KHNYN: variants seen among roughly 807,000 people sequenced by gnomAD.
The protein encoded by KHNYN is KH and NYN domain containing, also known as protein KHNYN.
In KHNYN, 42 loss-of-function variants were observed where a neutral mutation model predicts 62.7. The observed-to-expected ratio is 0.67, with a 90% confidence interval of 0.52 to 0.87. The LOEUF is 0.87. Ranked by LOEUF, KHNYN falls within the 40% of genes least tolerant of loss-of-function variation. The pLI, the probability that KHNYN is intolerant of heterozygous loss-of-function variation, is 0.00. For missense variants in KHNYN, 829 were observed against 874.1 expected, an observed-to-expected ratio of 0.95 and a Z score of 0.65; for synonymous variants, 347 against 345.6, an observed-to-expected ratio of 1.00 and a Z score of -0.04.
At chr14:24,435,919 A>G in intron 5 of KHNYN, 153 bp from the exon 6 acceptor site, 1 of 634,622 alleles carries the variant, frequency 1.6e-6, no homozygotes, top group Non-Finnish European at 2.8e-6. Flanking sequence ...TTATTTTTGT[A>G]GATTTGGGGG....
rs758744608 is a variant in KHNYN, at chr14:24,440,580, C to G, written c.*3295C>G. ...CCTGGTTTCTGTTTCCCCTTCCTCA[C>G]TCTCCCCATGCTGACTTGGCTCTGT... On this transcript the variant is annotated 3_prime_UTR_variant, in exon 8 of 8. Coordinates refer to ENST00000553935, the MANE Select transcript of KHNYN (RefSeq NM_015299.3). 1.4e-5 allele frequency: 21 copies of G among 1,474,192 alleles called. No individual in the cohort carries two copies. Among genetic ancestry groups the G allele is most frequent in the Non-Finnish European group, 1.9e-5 (21 of 1,080,806 alleles). 91.3% of individuals were successfully genotyped at this position (1,474,192 alleles called of 1,614,324 possible).
chr14:24,429,958 T>G lies in KHNYN; in HGVS notation c.-179T>G. On this transcript the variant is annotated 5_prime_UTR_variant, in exon 1 of 8. Transcript: ENST00000553935. ...CCAGGAAGTGACTCAAGAAACAGTTTGCGTGCGATGTGGACAAGAGAGGTC... is the reference window on the plus strand; with the variant it reads ...CCAGGAAGTGACTCAAGAAACAGTTGGCGTGCGATGTGGACAAGAGAGGTC... 1 of 993,710 alleles carries G rather than the reference T, an allele frequency of 1.0e-6. No individual in the cohort carries two copies. Among genetic ancestry groups the G allele is most frequent in the South Asian group, 4.3e-5 (1 of 23,316 alleles). 61.6% of individuals were successfully genotyped at this position (993,710 alleles called of 1,614,324 possible).
At position 24,432,271 on chromosome 14, in the gene KHNYN, A is replaced by T; in HGVS notation, c.1010A>T (p.Gln337Leu). 1.2e-6 allele frequency: 2 copies of T among 1,613,478 alleles called. No individual in the cohort carries two copies. Among genetic ancestry groups the T allele is most frequent in the Non-Finnish European group, 1.7e-6 (2 of 1,179,668 alleles). The change falls in exon 3 of 8, where the codon CAG becomes CTG. Residue 337 changes from glutamine to leucine, a missense_variant. This residue lies in a region of KHNYN where 559 missense variants were observed against 527.0 expected (regional missense o/e 1.06). Transcript: ENST00000553935. This position sits in a 1 kb window ranked among gnomAD's most constrained non-coding sequence, Gnocchi z 5.6. ...GAHGSCHRAA[Q>L]SRGASLLQRL... ...CATGGCTCCTGTCACAGGGCAGCTC[A>T]GTCCCGAGGAGCCTCCCTCCTCCAG...
intron 5 of KHNYN, chr14:24,434,086 CTATTTATA>C (rs1399589215): frequency 2.1e-6 from 2 of 950,582 alleles, no homozygotes; most frequent in Non-Finnish European, 2.5e-6. Context: ...CAATGTTATT[CTATTTATA>C]TCTAGATGTC....
chr14:24,440,026 C>T lies in KHNYN; in HGVS notation c.*2741C>T. ...TCTCTAGAGGAGCTGAGCCTATTCACAGTGCCTAACCTGGAAGCCTGTGAG... is the reference window on the plus strand; with the variant it reads ...TCTCTAGAGGAGCTGAGCCTATTCATAGTGCCTAACCTGGAAGCCTGTGAG... On this transcript the variant is annotated 3_prime_UTR_variant, in exon 8 of 8. Transcript: ENST00000553935. 6.2e-6 allele frequency: 9 copies of T among 1,453,970 alleles called. No homozygotes were observed. The highest frequency in any genetic ancestry group is 2.7e-5 in the South Asian group (2 of 72,742). The allele number at this position is 1,453,970 out of a possible 1,614,324, so 90.1% of individuals were successfully genotyped here.
Position 24,431,929 on chromosome 14 carries a change from G to C in KHNYN, c.668G>C (p.Gly223Ala). The change falls in exon 3 of 8, where the codon GGA (glycine) becomes GCA (alanine). Residue 223 changes from glycine to alanine, a missense_variant. Gly to Ala is a moderately conservative substitution (Grantham distance 60). Around this residue, in one of 2 missense-constraint regions of KHNYN, gnomAD observed 559 missense variants for 527.0 expected, o/e 1.06. Transcript: ENST00000553935. ...GCCTTGCTGGGTGCTCAGTGCCAAG[G>C]AGTGAGAGCTCCCCCTAGTGACGGC... Reference protein sequence around the residue: ...SSALLGAQCQGVRAPPSDGRE... With the variant: ...SSALLGAQCQAVRAPPSDGRE... 2 of 1,613,912 alleles carry C rather than the reference G, an allele frequency of 1.2e-6. No individual in the cohort carries two copies. Among genetic ancestry groups the C allele is most frequent in the Non-Finnish European group, 1.7e-6 (2 of 1,179,884 alleles).
intron 1 of KHNYN, chr14:24,430,388 C>T: frequency 1.9e-6 from 2 of 1,057,788 alleles, no homozygotes; most frequent in Non-Finnish European, 2.3e-6. Context: ...CCTTAAGAAG[C>T]TTCAGAGTGC....
In KHNYN at chr14:24,431,904, G is replaced by T. The variant is rs776850124; in HGVS notation, c.643G>T (p.Ala215Ser). 10 of 1,614,078 alleles carry T rather than the reference G, an allele frequency of 6.2e-6. No individual in the cohort carries two copies. The East Asian group carries it at 2.2e-4, about 36-fold the overall frequency. The change falls in exon 3 of 8, where the codon GCC (alanine) becomes TCC (serine). Residue 215 changes from alanine (A) to serine (S), a missense_variant. Coordinates refer to ENST00000553935, the MANE Select transcript of KHNYN (RefSeq NM_015299.3). ...ALASWEGRSS[A>S]LLGAQCQGVR... The stretch of plus-strand genomic sequence containing the variant: ...GGCTTCTTGGGAGGGGCGGAGCTCA[G>T]CCTTGCTGGGTGCTCAGTGCCAAGG...
rs761648380 is a variant in KHNYN at position 24,437,161 on chromosome 14, T to C, written c.1913T>C (p.Leu638Pro). Residue 638 changes from leucine to proline, a missense_variant, in exon 8 of 8, where the codon CTC (leucine) becomes CCC (proline). Around this residue, in one of 2 missense-constraint regions of KHNYN, gnomAD observed 270 missense variants for 347.1 expected, o/e 0.78. Transcript: ENST00000553935. The surrounding 1 kb of genome is among the most constrained non-coding windows in gnomAD (Gnocchi z 5.5). ...CGGAAGACCCGGGAAACAGAGCGGCTCCGGCGGCAGCTGCTGGAGGTGTTT... is the reference window on the plus strand; with the variant it reads ...CGGAAGACCCGGGAAACAGAGCGGCCCCGGCGGCAGCTGCTGGAGGTGTTT... ...GIRKTRETER[L>P]RRQLLEVFWG... The C allele has an allele frequency of 6.2e-7, 1 of 1,614,188 alleles. No individual in the cohort carries two copies. Among genetic ancestry groups the C allele is most frequent in the South Asian group, 1.1e-5 (1 of 91,084 alleles).
rs766837038 is a variant in KHNYN at position 24,440,325 on chromosome 14, C to A, written c.*3040C>A. 3.7e-6 allele frequency: 6 copies of A among 1,613,928 alleles called. No homozygotes were observed. The African/African-American group carries it at 5.3e-5, about 14-fold the overall frequency. On this transcript the variant is annotated 3_prime_UTR_variant, in exon 8 of 8. Transcript: ENST00000553935. Reference sequence around the variant, plus strand: ...GAGGATGGAGCCACTCCATTCAGGACCCCGTGCACGTGGTTTGCTTCAAGG... The same window carrying A: ...GAGGATGGAGCCACTCCATTCAGGAACCCGTGCACGTGGTTTGCTTCAAGG...
chr14:24,430,751 C>A lies in KHNYN; in HGVS notation c.21C>A (p.Arg7=), dbSNP rs1033698559. 20 of 1,573,414 alleles carry A rather than the reference C, an allele frequency of 1.3e-5. No homozygotes were observed. Among genetic ancestry groups the A allele is most frequent in the Non-Finnish European group, 1.7e-5 (20 of 1,159,296 alleles). ...CAGCCATGCCTACCTGGGGGGCCCG[C>A]CCCGCGTCCCCAGATCGCTTTGCGG... The part of the protein sequence containing the change: MPTWGA[R]PASPDRFAVS... Residue 7 remains arginine (R), a synonymous_variant, in exon 2 of 8, where the codon CGC becomes CGA. Coordinates refer to ENST00000553935, the MANE Select transcript of KHNYN (RefSeq NM_015299.3).
chr14:24,441,081 G>T lies in KHNYN; in HGVS notation c.*3796G>T. ...ATATTTTCCCCTTGAACTTCTCCAT[G>T]ACCTGAAGCGTTCCTTCCCTGGAGG... is the stretch of plus-strand genomic sequence containing the variant. On this transcript the variant is annotated 3_prime_UTR_variant, in exon 8 of 8. Transcript: ENST00000553935. 1 of 819,142 alleles carries T rather than the reference G, an allele frequency of 1.2e-6. No individual in the cohort carries two copies. The highest frequency in any genetic ancestry group is 2.0e-6 in the Non-Finnish European group (1 of 492,122). 50.7% of individuals were successfully genotyped at this position (819,142 alleles called of 1,614,324 possible). A position where few individuals can be genotyped will look rare whatever the true frequency, so the allele number is the denominator to read the frequency against.
At chr14:24,424,747 C>T (rs757653903), upstream of KHNYN, among the ~76,000 whole-genome samples, 9 of 152,112 alleles carry the variant, frequency 5.9e-5, no homozygotes, top group Admixed American at 1.3e-4. Flanking sequence ...GTCCTACAAC[C>T]GTAAGGAACT....
Position 24,432,940 on chromosome 14 carries a change from T to C in KHNYN, c.1485T>C (p.Ser495=). The change falls in exon 5 of 8, where the codon AGT becomes AGC. Residue 495 remains serine, a synonymous_variant. Coordinates refer to ENST00000553935, the MANE Select transcript of KHNYN (RefSeq NM_015299.3). The surrounding 1 kb of genome is among the most constrained non-coding windows in gnomAD (Gnocchi z 5.6). The part of the protein sequence containing the change: ...RFSKDAKVRE[S]HFLQKLYSLS... ...TATTATGTTCTTTTTCAATAGAGAG[T>C]CACTTCCTGCAAAAGCTGTATTCCC... The C allele has an allele frequency of 8.1e-6, 13 of 1,614,114 alleles. No homozygotes were observed. The highest frequency in any genetic ancestry group is 1.1e-5 in the Non-Finnish European group (13 of 1,180,002).
At chr14:24,433,075 C>T (rs1350693920) in intron 5 of KHNYN, 43 bp downstream of exon 5, 1 of 1,545,314 alleles carries the variant, frequency 6.5e-7, no homozygotes, top group East Asian at 2.2e-5. Context: ...ATTGAAGGAG[C>T]CCTATGGAAG....
upstream of KHNYN, chr14:24,429,359 GC>G (rs541896283): frequency 6.0e-4 from 375 of 630,156 alleles, no homozygotes; most frequent in African/African-American, 5.9e-3. Flanking sequence ...GGGCAGCCCT[GC>G]TGGATGGGAC....
upstream of KHNYN, chr14:24,426,621 G>A (rs1420891289): frequency 2.0e-5 from 3 of 152,178 alleles, no homozygotes; most frequent in Non-Finnish European, 4.4e-5. Context: ...CCAAACTCCA[G>A]AGGCATCTTC....
chr14:24,432,985 A>AC lies in KHNYN; in HGVS notation c.1533dup (p.Ser512LeufsTer13). 1 of 1,614,094 alleles carries AC rather than the reference A, an allele frequency of 6.2e-7. No individual in the cohort carries two copies. The highest frequency in any genetic ancestry group is 8.5e-7 in the Non-Finnish European group (1 of 1,180,004). ...ATTCCCTCAGCCTGCTCTCCCTCAC[A>AC]CCCTCACGAGTCATGGATGGCAAGA... On this transcript the variant is annotated frameshift_variant, in exon 5 of 8. Coordinates refer to ENST00000553935, the MANE Select transcript of KHNYN (RefSeq NM_015299.3). LOFTEE classifies it high-confidence loss of function. The surrounding 1 kb of genome is among the most constrained non-coding windows in gnomAD (Gnocchi z 5.6).
rs1163104677 is a variant in KHNYN at position 24,432,818 on chromosome 14, T to C, written c.1446T>C (p.Pro482=). 2 of 1,614,236 alleles carry C rather than the reference T, an allele frequency of 1.2e-6. No individual in the cohort carries two copies. Among genetic ancestry groups the C allele is most frequent in the Admixed American group, 1.7e-5 (1 of 60,030 alleles). ...RGHRDITVFV[P]QWRFSKDAKV... ...ACCGTGACATAACTGTCTTTGTGCC[T>C]CAGTGGCGCTTCAGTAAGGATGCCA... Residue 482 remains proline (P), a synonymous_variant, in exon 4 of 8, where the codon CCT becomes CCC. Transcript: ENST00000553935. This position sits in a 1 kb window ranked among gnomAD's most constrained non-coding sequence, Gnocchi z 5.6.
Sources: allele counts gnomAD v4.1 joint callset (sites outside exome capture counted in the v4.1 genomes callset), GRCh38; gene constraint gnomAD v4.1.1; regional missense constraint gnomAD v4.1.1; non-coding constraint Gnocchi (gnomAD v3.1); transcripts MANE v1.5; gene names NCBI Gene and HGNC (gene_info 2026-07-23, HGNC 2026-07-21).